RBFOX1: variants seen among roughly 807,000 people sequenced by gnomAD.
The protein encoded by RBFOX1 is RNA binding fox-1 homolog 1, also known as RNA binding protein fox-1 homolog 1.
In RBFOX1, 8 loss-of-function variants were observed where a neutral mutation model predicts 57.7. The ratio of observed to expected loss-of-function variants is 0.14; its 90% CI spans 0.08 to 0.25. RBFOX1 has a LOEUF of 0.25. Ranked by LOEUF, RBFOX1 falls within the 10% of genes least tolerant of loss-of-function variation. The probability of loss-of-function intolerance (pLI) is 1.00; values close to 1 mark genes in which losing one functional copy is unlikely to be tolerated. For missense variants in RBFOX1, 611 were observed against 548.5 expected, an observed-to-expected ratio of 1.11 and a Z score of -1.14; for synonymous variants, 326 against 222.4, an observed-to-expected ratio of 1.47 and a Z score of -4.15.
chr16:6,678,155 G>C (rs139228735), intron 3 of RBFOX1, among the ~76,000 whole-genome samples: 4 of 152,114 alleles, frequency 2.6e-5, no homozygotes, highest in African/African-American at 7.2e-5. Flanking sequence ...ACGGAGTCTC[G>C]CTCTGTCGCC....
chr16:6,422,282 C>T (rs1263927762), intron 2 of RBFOX1, among the ~76,000 whole-genome samples: 2 of 149,990 alleles, frequency 1.3e-5, no homozygotes, highest in Non-Finnish European at 1.5e-5. Context: ...CATGTAGGTG[C>T]AGGTTTGTTA....
intron 4 of RBFOX1, among the ~76,000 whole-genome samples, chr16:7,220,214 G>T (rs1456049866): frequency 6.6e-6 from 1 of 152,176 alleles, no homozygotes; most frequent in Non-Finnish European, 1.5e-5. Context: ...CAGACAGCAT[G>T]CTCTGAAGCA....
chr16:5,785,228 C>G (rs978963956), intron 3 of RBFOX1, among the ~76,000 whole-genome samples: 1 of 152,212 alleles, frequency 6.6e-6, no homozygotes, highest in East Asian at 1.9e-4. Context: ...AAGGCACTAC[C>G]TCAGTGGGAT....
chr16:7,683,034 A>ATATATATATAT (rs1568439301), intron 14 of RBFOX1, among the ~76,000 whole-genome samples: 3 of 92,590 alleles, frequency 3.2e-5, no homozygotes, highest in African/African-American at 8.4e-5. Context: ...ATATATATAT[A>ATATATATATAT]AAACAGTGCT....
chr16:6,604,755 A>G (rs1296161082), intron 2 of RBFOX1, among the ~76,000 whole-genome samples: 3 of 152,180 alleles, frequency 2.0e-5, no homozygotes, highest in Non-Finnish European at 4.4e-5. Context: ...ATAGGAATAT[A>G]TGATTCCAAG....
intron 1 of RBFOX1, among the ~76,000 whole-genome samples, chr16:6,219,529 T>A (rs532023345): frequency 6.6e-6 from 1 of 152,278 alleles, no homozygotes; most frequent in East Asian, 1.9e-4. Flanking sequence ...AGGAAATTAT[T>A]GTATGGAGTG....
intron 4 of RBFOX1, among the ~76,000 whole-genome samples, chr16:7,058,381 T>A (rs554142441): frequency 1.3e-5 from 2 of 152,052 alleles, no homozygotes; most frequent in African/African-American, 4.8e-5. Flanking sequence ...CCAGAGCATC[T>A]CTTTGCACTT....
At chr16:6,885,803 T>A (rs552679507) in intron 3 of RBFOX1, among the ~76,000 whole-genome samples, 1 of 152,342 alleles carries the variant, frequency 6.6e-6, no homozygotes, top group Admixed American at 6.5e-5. Flanking sequence ...AATGCTGGGA[T>A]TACGGGCATG....
intron 3 of RBFOX1, among the ~76,000 whole-genome samples, chr16:6,830,456 T>G (rs768008602): frequency 6.6e-6 from 1 of 152,068 alleles, no homozygotes; most frequent in Non-Finnish European, 1.5e-5. Flanking sequence ...AGGAAGACCT[T>G]AGAAAAATAA....
In RBFOX1 at chr16:6,310,668, A is replaced by C. The variant is rs114406204; in HGVS notation, c.-126-6327A>C. Among the ~76,000 whole-genome samples the C allele has an allele frequency of 4.6e-3, 696 of 152,260 alleles. 4 individuals carry two copies. The highest frequency in any genetic ancestry group is 0.016 in the African/African-American group (666 of 41,546). On this transcript the variant is annotated intron_variant, in intron 1 of 15. Coordinates refer to ENST00000550418, the MANE Select transcript of RBFOX1 (RefSeq NM_018723.4). Reference sequence around the variant, plus strand: ...TCCAAAACCTGTAGGATGTCAAACTATTTGTCAAACTGTACTGTCACTCAT... The same window carrying C: ...TCCAAAACCTGTAGGATGTCAAACTCTTTGTCAAACTGTACTGTCACTCAT...
intron 2 of RBFOX1, among the ~76,000 whole-genome samples, chr16:6,391,082 A>G (rs1324476069): frequency 6.6e-6 from 1 of 152,180 alleles, no homozygotes; most frequent in Middle Eastern, 3.2e-3. Flanking sequence ...GTCTCCAGAC[A>G]TTTGCCAAAT....
rs564517829 is a variant in RBFOX1, at chr16:6,933,202, G to C, written c.-15-118855G>C. ...TTACTGTGAATGATGCTATGAACGGGAGTGTACAATACCTTTCAGAGTCCC... is the reference window on the plus strand; with the variant it reads ...TTACTGTGAATGATGCTATGAACGGCAGTGTACAATACCTTTCAGAGTCCC... On this transcript the variant is annotated intron_variant, in intron 3 of 15. Transcript: ENST00000550418. Among the ~76,000 whole-genome samples, 20 of 152,324 alleles carry C rather than the reference G, an allele frequency of 1.3e-4. 1 individual carries two copies. The East Asian group carries it at 3.9e-3, about 29-fold the overall frequency.
rs59806354 is a variant in RBFOX1, at chr16:6,676,142, GCACACACACACACA to G, written c.-16+21518_-16+21531del. The stretch of plus-strand genomic sequence containing the variant: ...CTGCCTAGGGGACACACACACACGC[GCACACACACACACA>G]CACACACACACACACACACACACAC... On this transcript the variant is annotated intron_variant, in intron 3 of 15. Transcript: ENST00000550418. Among the ~76,000 whole-genome samples the G allele has an allele frequency of 6.4e-4, 94 of 145,968 alleles. No individual in the cohort carries two copies. In the South Asian group the frequency reaches 0.011, roughly 17 times the overall value.
chr16:6,903,628 C>G (rs1278020907), intron 3 of RBFOX1, among the ~76,000 whole-genome samples: 2 of 152,242 alleles, frequency 1.3e-5, no homozygotes, highest in East Asian at 3.9e-4. Context: ...ATAAATGCTC[C>G]TGGGGACTGT....
At position 6,378,560 on chromosome 16, in the gene RBFOX1, G is replaced by A. The variant is rs145907586; in HGVS notation, c.-64+61503G>A. 2.8e-3 allele frequency among the ~76,000 whole-genome samples: 422 copies of A among 152,262 alleles called. 3 individuals carry two copies. Among genetic ancestry groups the A allele is most frequent in the Non-Finnish European group, 5.4e-3 (364 of 68,016 alleles). On this transcript the variant is annotated intron_variant, in intron 2 of 15. Transcript: ENST00000550418. ...GGATCATCTGGTGGAGTGGGAGTGT[G>A]CACATGCCCACCCCCATTTCTAAAT...
chr16:7,291,906 T>A (rs957084941), intron 4 of RBFOX1, among the ~76,000 whole-genome samples: 3 of 81,578 alleles, frequency 3.7e-5, no homozygotes, highest in Admixed American at 1.3e-4. Flanking sequence ...CTATATAATG[T>A]ATTATATATA....
intron 4 of RBFOX1, among the ~76,000 whole-genome samples, chr16:7,315,795 T>G (rs1474187112): frequency 1.3e-5 from 2 of 152,166 alleles, no homozygotes; most frequent in Non-Finnish European, 2.9e-5. Context: ...TGTTCTCTAT[T>G]ATTTGAATTC....
Position 5,744,974 on chromosome 16 carries a change from A to C in RBFOX1, c.319-122329A>C, listed in dbSNP as rs141012190. 6.4e-3 allele frequency among the ~76,000 whole-genome samples: 978 copies of C among 152,198 alleles called. 12 individuals carry two copies. Among genetic ancestry groups the C allele is most frequent in the African/African-American group, 0.022 (920 of 41,514 alleles). On this transcript the variant is annotated intron_variant, in intron 3 of 19. Coordinates refer to the RBFOX1 transcript ENST00000641259. ...TTTTTTTTATTATACTTTTAGTTCT[A>C]GGCTACATGTGCACAACGTGCAGGT...
chr16:6,650,837 G>GA (rs1412594718), intron 2 of RBFOX1, among the ~76,000 whole-genome samples: 1 of 152,158 alleles, frequency 6.6e-6, no homozygotes, highest in Non-Finnish European at 1.5e-5. Context: ...CTCTTGGTGA[G>GA]AAAATCAACA....
Sources: allele counts gnomAD v4.1 joint callset (sites outside exome capture counted in the v4.1 genomes callset), GRCh38; gene constraint gnomAD v4.1.1; transcripts MANE v1.5; gene names NCBI Gene and HGNC (gene_info 2026-07-23, HGNC 2026-07-21).